Variants in MICAL2 observed in about 807,000 individuals in gnomAD.
MICAL2 encodes the protein microtubule associated monooxygenase, calponin and LIM domain containing 2, also known as [F-actin]-monooxygenase MICAL2.
Under a neutral mutation model 127.3 loss-of-function variants are expected in MICAL2, and 77 were observed. That is an observed-to-expected ratio of 0.60 (90% confidence interval 0.50 to 0.73). MICAL2 has a LOEUF of 0.73. MICAL2 is among the 30% of genes least tolerant of loss of function. MICAL2 has a pLI of 0.00. For missense variants in MICAL2, 1,351 were observed against 1,434.4 expected (o/e 0.94, Z 0.94); for synonymous variants, 570 against 551.1 (o/e 1.03, Z -0.48).
intron 15 of MICAL2, among the ~76,000 whole-genome samples, chr11:12,235,034 G>C (rs1386587377): frequency 1.3e-5 from 2 of 152,146 alleles, no homozygotes; most frequent in Non-Finnish European, 2.9e-5. Context: ...GCGATCTATG[G>C]TCAATGGGAC....
exon 2 of MICAL2, chr11:12,280,962 G>A: frequency 2.5e-6 from 1 of 399,104 alleles, no homozygotes; most frequent in Non-Finnish European, 4.4e-6. Context: ...TATGGTGGCA[G>A]CGAGGGCTCC....
downstream of MICAL2, among the ~76,000 whole-genome samples, chr11:12,290,257 C>T (rs1004715038): frequency 6.6e-6 from 1 of 152,088 alleles, no homozygotes; most frequent in African/African-American, 2.4e-5. Flanking sequence ...AAGAGACCCC[C>T]TAGCAGGGGT....
intron 1 of MICAL2, chr11:12,121,523 C>G (rs1057123989): frequency 1.3e-5 from 2 of 152,374 alleles, no homozygotes; most frequent in African/African-American, 2.4e-5. Flanking sequence ...ACCTGAATAT[C>G]CCCTTCAAGT....
intron 29 of MICAL2, among the ~76,000 whole-genome samples, chr11:12,300,688 G>A (rs1340436596): frequency 2.0e-5 from 3 of 152,178 alleles, no homozygotes; most frequent in African/African-American, 7.2e-5. Flanking sequence ...CAAACTGAAT[G>A]TGCTTGGAAG....
At chr11:12,234,206 C>A (rs191737757) in intron 15 of MICAL2, among the ~76,000 whole-genome samples, 1 of 151,986 alleles carries the variant, frequency 6.6e-6, no homozygotes, top group Non-Finnish European at 1.5e-5. Flanking sequence ...TATAGGCTCC[C>A]GTGGAACAGT....
chr11:12,332,011 C>T (rs1472535458), intron 32 of MICAL2, among the ~76,000 whole-genome samples: 1 of 152,160 alleles, frequency 6.6e-6, no homozygotes, highest in African/African-American at 2.4e-5. Flanking sequence ...ATTTTGCATG[C>T]CTGATCCAAA....
chr11:12,120,668 C>T (rs1850432193), intron 1 of MICAL2, among the ~76,000 whole-genome samples: 2 of 152,126 alleles, frequency 1.3e-5, no homozygotes, highest in South Asian at 2.1e-4. Context: ...GGTAACAGCA[C>T]AAAGAGATGT....
At chr11:12,255,778 C>G (rs1013456160) in intron 23 of MICAL2, 28 bp downstream of exon 23, 10 of 1,579,746 alleles carry the variant, frequency 6.3e-6, no homozygotes, top group Non-Finnish European at 8.7e-6. Flanking sequence ...CAGCCTTCAC[C>G]CACAGACACT....
chr11:12,227,043 A>G lies in MICAL2; in HGVS notation c.1907A>G (p.Tyr636Cys), dbSNP rs35228638. Reference sequence around the variant, plus strand: ...CCAACAGATTCTTGGCGCAAAAACTATGGAGAAAATGCTGACCTCAGCTTG... The same window carrying G: ...CCAACAGATTCTTGGCGCAAAAACTGTGGAGAAAATGCTGACCTCAGCTTG... ...LRPVDSWRKN[Y>C]GENADLSLAK... The change falls in exon 15 of 28, where the codon TAT becomes TGT. Residue 636 changes from tyrosine (Y) to cysteine (C), a missense_variant. Tyr to Cys is a radical substitution (Grantham distance 194). Transcript: ENST00000683283. The G allele has an allele frequency of 1.0e-2, 16,063 of 1,613,812 alleles. 112 individuals carry two copies. The highest frequency in any genetic ancestry group is 0.012 in the Non-Finnish European group (13,974 of 1,179,738).
At chr11:12,237,546 A>G (rs1263827654) in intron 16 of MICAL2, among the ~76,000 whole-genome samples, 2 of 152,062 alleles carry the variant, frequency 1.3e-5, no homozygotes, top group African/African-American at 4.8e-5. Context: ...TGTTTCACCC[A>G]TGGCTTATTT....
intron 2 of MICAL2, among the ~76,000 whole-genome samples, chr11:12,138,690 C>T (rs912399407): frequency 1.1e-4 from 16 of 152,190 alleles, no homozygotes; most frequent in South Asian, 6.2e-4. Context: ...TCCCACCTAC[C>T]GGCTGTGGGA....
chr11:12,150,485 C>A (rs1009362393), intron 2 of MICAL2, among the ~76,000 whole-genome samples: 1 of 151,954 alleles, frequency 6.6e-6, no homozygotes, highest in Non-Finnish European at 1.5e-5. Context: ...CTTTGGGGGA[C>A]AGACTCCATC....
At chr11:12,290,621 C>T (rs1293575607), downstream of MICAL2, among the ~76,000 whole-genome samples, 3 of 152,126 alleles carry the variant, frequency 2.0e-5, no homozygotes, top group African/African-American at 4.8e-5. Context: ...GATGGGGGTG[C>T]GGTAGTGGGA....
At chr11:12,171,856 G>A (rs10831748) in intron 3 of MICAL2, among the ~76,000 whole-genome samples, 64,330 of 152,030 alleles carry the variant, frequency 0.42, 14,323 homozygotes, top group African/African-American at 0.57. Context: ...ATATAAAGAC[G>A]TGTTGAAATT....
chr11:12,354,870 G>C (rs772824007), intron 34 of MICAL2: 14 of 1,612,418 alleles, frequency 8.7e-6, no homozygotes, highest in Non-Finnish European at 1.2e-5. Context: ...GAGTATGCTT[G>C]GGCCTTTGTT....
chr11:12,321,897 A>G (rs1864302108), intron 30 of MICAL2, among the ~76,000 whole-genome samples: 1 of 151,976 alleles, frequency 6.6e-6, no homozygotes, highest in Non-Finnish European at 1.5e-5. Context: ...TTTCTTTTCC[A>G]TAGTCCCACT....
chr11:12,281,009 G>A (rs1005452311), exon 2 of MICAL2: 1 of 399,074 alleles, frequency 2.5e-6, no homozygotes, highest in African/African-American at 2.1e-5. Flanking sequence ...CTGGCGGCCA[G>A]GATCCCCGCA....
chr11:12,262,772 C>G (rs1863305373), intron 27 of MICAL2: 1 of 495,592 alleles, frequency 2.0e-6, no homozygotes, highest in African/African-American at 1.9e-5. Context: ...AAGTGCATGC[C>G]CCGCCTCTCC....
Position 12,242,327 on chromosome 11 carries a change from G to T in MICAL2, c.2451G>T (p.Leu817=), listed in dbSNP as rs755181075. 4 of 1,614,128 alleles carry T rather than the reference G, an allele frequency of 2.5e-6. 1 individual carries two copies. The South Asian group carries it at 4.4e-5, about 18-fold the overall frequency. The change falls in exon 19 of 28, where the codon CTG becomes CTT. Residue 817 remains leucine, a synonymous_variant. Coordinates refer to ENST00000683283, the MANE Select transcript of MICAL2 (RefSeq NM_001282663.2). ...CCAGAGCCAAGTCTGACCTACAGCT[G>T]GGTGGGACAGAAAATTTCGCTACCC... ...WRARAKSDLQ[L]GGTENFATLP... is the part of the protein sequence containing the mutation.
Sources: gnomAD v4.1 joint callset for allele counts (sites outside exome capture counted in the v4.1 genomes callset) on GRCh38, gnomAD v4.1.1 for gene constraint, MANE v1.5 for transcripts, NCBI Gene and HGNC (gene_info 2026-07-23, HGNC 2026-07-21) for gene names.